Variants in WWP1 observed in about 807,000 individuals in gnomAD.
WWP1 encodes the protein WW domain containing E3 ubiquitin protein ligase 1.
Under a neutral mutation model 130.6 loss-of-function variants are expected in WWP1, and 49 were observed. The observed-to-expected ratio is 0.38, with a 90% CI of 0.30 to 0.48. The LOEUF is 0.48. Ranked by LOEUF, WWP1 falls within the 20% of genes least tolerant of loss-of-function variation. WWP1 has a pLI of 0.99. For missense variants in WWP1, 809 were observed against 1,100.6 expected, an observed-to-expected ratio of 0.74 and a Z score of 3.75; for synonymous variants, 332 against 367.8, an observed-to-expected ratio of 0.90 and a Z score of 1.11.
At chr8:86,443,666 T>TA (rs1390546449) in intron 18 of WWP1, among the ~76,000 whole-genome samples, 1 of 152,194 alleles carries the variant, frequency 6.6e-6, no homozygotes, top group Non-Finnish European at 1.5e-5. Flanking sequence ...AATCAATAGA[T>TA]ATATTCTGAA....
At position 86,448,382 on chromosome 8, in the gene WWP1, C is replaced by G; in HGVS notation, c.2142C>G (p.Asn714Lys). 1 of 1,612,868 alleles carries G rather than the reference C, an allele frequency of 6.2e-7. No individual in the cohort carries two copies. Among genetic ancestry groups the G allele is most frequent in the South Asian group, 1.1e-5 (1 of 90,822 alleles). The part of the protein sequence containing the change: ...YNSLIWIRDN[N>K]IEECGLEMYF... The stretch of plus-strand genomic sequence containing the variant: ...TATTTATTTCACCCAGAGATAACAA[C>G]ATTGAAGAATGTGGCTTAGAAATGT... The change falls in exon 20 of 25, where the codon AAC becomes AAG. Residue 714 changes from asparagine (N) to lysine (K), a missense_variant. Coordinates refer to ENST00000517970, the MANE Select transcript of WWP1 (RefSeq NM_007013.4).
chr8:86,405,258 A>G (rs996028381), intron 8 of WWP1: 2 of 152,092 alleles, frequency 1.3e-5, no homozygotes, highest in African/African-American at 4.8e-5. Flanking sequence ...TCTATGTGTA[A>G]CATAATTAAA....
intron 9 of WWP1, among the ~76,000 whole-genome samples, chr8:86,414,249 A>ATG: frequency 7.6e-6 from 1 of 130,748 alleles, no homozygotes; most frequent in Non-Finnish European, 1.8e-5. Context: ...GTGTGTGTGT[A>ATG]TGTGTGTGTA....
Position 86,342,943 on chromosome 8 carries a change from C to T in WWP1, c.-115+13C>T. ...AGCTTCGCGCCGGGTAAGGACGGCG[C>T]GGCGCGGGGCTGGGGGTGCGAATGG... On this transcript the variant is annotated intron_variant, in intron 1 of 24. Transcript: ENST00000517970. 2 of 137,648 alleles carry T rather than the reference C, an allele frequency of 1.5e-5. No individual in the cohort carries two copies. Among genetic ancestry groups the T allele is most frequent in the Admixed American group, 9.3e-5 (1 of 10,710 alleles). The allele number at this position is 137,648 out of a possible 1,614,324, so 8.5% of individuals were successfully genotyped here.
intron 17 of WWP1, among the ~76,000 whole-genome samples, chr8:86,439,342 CAA>C (rs59635746): frequency 7.1e-4 from 90 of 126,988 alleles, no homozygotes; most frequent in Non-Finnish European, 6.7e-4. Flanking sequence ...GACGCTGTGT[CAA>C]AAAAAAAAAA....
intron 2 of WWP1, among the ~76,000 whole-genome samples, chr8:86,369,356 A>G (rs978393871): frequency 6.6e-5 from 10 of 152,210 alleles, no homozygotes; most frequent in Non-Finnish European, 1.0e-4. Flanking sequence ...CTTTTAAGGC[A>G]AGATGGTATC....
At chr8:86,364,732 A>G (rs1334900915) in intron 1 of WWP1, among the ~76,000 whole-genome samples, 2 of 151,622 alleles carry the variant, frequency 1.3e-5, no homozygotes, top group Admixed American at 1.3e-4. Context: ...CAGGAGTCCA[A>G]TAGTTAGACC....
intron 1 of WWP1, among the ~76,000 whole-genome samples, chr8:86,346,371 C>T (rs924761720): frequency 3.3e-5 from 5 of 152,012 alleles, no homozygotes; most frequent in South Asian, 2.1e-4. Flanking sequence ...TGTAGTGAGC[C>T]GAGATTGCGC....
chr8:86,461,136 T>G, intron 22 of WWP1, 88 bp from the exon 23 acceptor site: 6 of 1,194,952 alleles, frequency 5.0e-6, no homozygotes, highest in Non-Finnish European at 7.3e-6. Flanking sequence ...ACCAATTCAG[T>G]GTTATTTAAT....
chr8:86,430,125 C>T (rs560273605), intron 11 of WWP1, among the ~76,000 whole-genome samples: 2 of 152,130 alleles, frequency 1.3e-5, no homozygotes, highest in East Asian at 1.9e-4. Flanking sequence ...TGCTTGAGCC[C>T]GGGAAGCAGA....
Position 86,402,046 on chromosome 8 carries a change from A to T in WWP1, c.567A>T (p.Ile189=). Residue 189 remains isoleucine, a synonymous_variant, in exon 8 of 25, where the codon ATA becomes ATT. Coordinates refer to ENST00000517970, the MANE Select transcript of WWP1 (RefSeq NM_007013.4). ...ARLAVEGTNG[I]DNHVPTSTLV... ...TGGCTGTTGAAGGCACGAATGGAAT[A>T]GATAATCATGTACCTACAAGCACTC... 1 of 1,607,124 alleles carries T rather than the reference A, an allele frequency of 6.2e-7. No homozygotes were observed. The highest frequency in any genetic ancestry group is 8.5e-7 in the Non-Finnish European group (1 of 1,176,422).
intron 5 of WWP1, among the ~76,000 whole-genome samples, chr8:86,388,559 CT>C (rs976675565): frequency 5.3e-5 from 8 of 152,168 alleles, no homozygotes; most frequent in African/African-American, 1.4e-4. Flanking sequence ...ATCATATTGC[CT>C]TTTTTTCCCT....
At chr8:86,403,793 A>G (rs1038833056) in intron 8 of WWP1, among the ~76,000 whole-genome samples, 6 of 152,036 alleles carry the variant, frequency 3.9e-5, no homozygotes, top group African/African-American at 1.2e-4. Context: ...TACTCACAGT[A>G]GGTAGAATTT....
At chr8:86,343,410 T>C (rs936190484) in intron 1 of WWP1, 1 of 152,170 alleles carries the variant, frequency 6.6e-6, no homozygotes, top group African/African-American at 2.4e-5. Context: ...CTTCACCGAC[T>C]CTGCAGCTCC....
At chr8:86,455,279 A>G (rs1433240442) in intron 21 of WWP1, among the ~76,000 whole-genome samples, 1 of 152,036 alleles carries the variant, frequency 6.6e-6, no homozygotes, top group Non-Finnish European at 1.5e-5. Context: ...AAAGGCAAAG[A>G]TGTCTACTCT....
intron 14 of WWP1, 113 bp downstream of exon 14, chr8:86,431,856 C>G: frequency 7.1e-7 from 1 of 1,402,762 alleles, no homozygotes; most frequent in Non-Finnish European, 9.7e-7. Flanking sequence ...TTCAAGAAAA[C>G]CTACACAAGT....
At chr8:86,398,726 A>G in intron 7 of WWP1, 88 bp downstream of exon 7, 6 of 1,424,418 alleles carry the variant, frequency 4.2e-6, no homozygotes, top group African/African-American at 1.4e-5. Context: ...TTAGTTTAGA[A>G]TTTGCCACAC....
chr8:86,457,620 A>G (rs1198732270), intron 21 of WWP1, among the ~76,000 whole-genome samples: 1 of 152,090 alleles, frequency 6.6e-6, no homozygotes, highest in Non-Finnish European at 1.5e-5. Flanking sequence ...CACACACACC[A>G]TACCATATAT....
chr8:86,434,156 A>G (rs1201809365), intron 14 of WWP1, among the ~76,000 whole-genome samples: 6 of 152,178 alleles, frequency 3.9e-5, no homozygotes, highest in Non-Finnish European at 5.9e-5. Flanking sequence ...CTCTCCATAC[A>G]GCACAGAGAC....
Sources: allele counts gnomAD v4.1 joint callset (sites outside exome capture counted in the v4.1 genomes callset), GRCh38; gene constraint gnomAD v4.1.1; transcripts MANE v1.5; gene names NCBI Gene and HGNC (gene_info 2026-07-23, HGNC 2026-07-21).